The following TFR2 variants were observed in gnomAD, a reference collection of about 807,000 sequenced individuals.
TFR2 encodes the protein transferrin receptor 2.
In TFR2, 64 loss-of-function variants were observed where a neutral mutation model predicts 91.9. The observed-to-expected ratio is 0.70, with a 90% confidence interval of 0.57 to 0.86. TFR2 has a LOEUF of 0.86. Ranked by LOEUF, TFR2 falls within the 40% of genes least tolerant of loss-of-function variation. The pLI, the probability that TFR2 is intolerant of heterozygous loss-of-function variation, is 0.00. For synonymous variants in TFR2, 454 were observed against 459.6 expected (o/e 0.99, Z 0.15); for missense variants, 950 against 1,080.5 (o/e 0.88, Z 1.69).
At chr7:100,631,077 G>T in intron 8 of TFR2, 25 bp from the exon 9 acceptor site, 1 of 1,532,750 alleles carries the variant, frequency 6.5e-7, no homozygotes, top group African/African-American at 1.4e-5. Flanking sequence ...GGCAGAAAGG[G>T]GGAAGTTGTA....
chr7:100,630,803 A>C, intron 9 of TFR2, 86 bp downstream of exon 9: 1 of 1,589,278 alleles, frequency 6.3e-7, no homozygotes, highest in South Asian at 1.1e-5. Context: ...GGCCTCCTGC[A>C]CCAGCCCCCT....
At chr7:100,629,401 C>A (rs1157924801) in intron 9 of TFR2, 29 bp from the exon 10 acceptor site, 1 of 1,612,934 alleles carries the variant, frequency 6.2e-7, no homozygotes, top group East Asian at 2.2e-5. Flanking sequence ...GGACCCACTT[C>A]TGACACTGCA....
chr7:100,630,865 A>C (rs779767961), intron 9 of TFR2, 24 bp downstream of exon 9: 17 of 1,611,990 alleles, frequency 1.1e-5, no homozygotes, highest in Non-Finnish European at 1.4e-5. Flanking sequence ...ACCAGCTGTG[A>C]GTGATACTGG....
At chr7:100,638,545 T>G (rs1584463386) in intron 3 of TFR2, among the ~76,000 whole-genome samples, 2 of 148,638 alleles carry the variant, frequency 1.3e-5, no homozygotes, top group Non-Finnish European at 1.5e-5. Context: ...AGGTCAGGAG[T>G]TTGAGACCAG....
In TFR2 at chr7:100,621,053, C is replaced by T; in HGVS notation, c.2210G>A (p.Gly737Glu). 1 of 1,574,296 alleles carries T rather than the reference C, an allele frequency of 6.4e-7. No homozygotes were observed. Among genetic ancestry groups the T allele is most frequent in the South Asian group, 1.2e-5 (1 of 86,766 alleles). ...SPFRHIFMGRGDHTLGALLDH... is the reference protein window; with the variant it reads ...SPFRHIFMGREDHTLGALLDH... The stretch of plus-strand genomic sequence containing the variant: ...CAGCAGGGCGCCCAGCGTGTGGTCT[C>T]CACGGCCCATGAAGATGTGGCGGAA... Residue 737 changes from glycine to glutamate, a missense_variant, in exon 18 of 18, where the codon GGA becomes GAA. By Grantham distance (98) the Gly-to-Glu change is moderately conservative (BLOSUM62 -2). Transcript: ENST00000223051.
At chr7:100,626,437 C>A (rs1472236613) in intron 17 of TFR2, 1 of 1,170,524 alleles carries the variant, frequency 8.5e-7, no homozygotes. Flanking sequence ...CCAGAAGGGT[C>A]GAGGAGGCAG....
At chr7:100,640,247 T>G in intron 3 of TFR2, 1 of 164,480 alleles carries the variant, frequency 6.1e-6, no homozygotes, top group Non-Finnish European at 1.3e-5. Context: ...CCCCAGCTAA[T>G]TTTTGTGTTT....
chr7:100,628,020 C>G (rs1445604651), intron 12 of TFR2, 46 bp from the exon 13 acceptor site: 2 of 1,614,124 alleles, frequency 1.2e-6, no homozygotes, highest in Non-Finnish European at 1.7e-6. Flanking sequence ...GGCTCAGCCC[C>G]AGAGGCAAGG....
chr7:100,627,039 C>T, intron 16 of TFR2, 136 bp from the exon 17 acceptor site: 1 of 1,397,416 alleles, frequency 7.2e-7, no homozygotes, highest in Non-Finnish European at 9.5e-7. Context: ...TAGACGAGGA[C>T]AGAGTGCTGG....
At chr7:100,637,197 C>T (rs186213631) in intron 3 of TFR2, among the ~76,000 whole-genome samples, 10 of 152,100 alleles carry the variant, frequency 6.6e-5, no homozygotes, top group South Asian at 2.1e-4. Flanking sequence ...GTCAGGAGTT[C>T]GAGACCAGAC....
At position 100,633,065 on chromosome 7, in the gene TFR2, C is replaced by G. The variant is rs1562841992; in HGVS notation, c.785G>C (p.Arg262Thr). The change falls in exon 6 of 18, where the codon AGG (arginine) becomes ACG (threonine). Residue 262 changes from arginine (R) to threonine (T), a missense_variant. Physicochemically the swap from Arg to Thr is moderately conservative, Grantham distance 71. Coordinates refer to ENST00000223051, the MANE Select transcript of TFR2 (RefSeq NM_003227.4). The part of the protein sequence containing the change: ...RPEDLQDLRA[R>T]GVDPVGRLLL... ...CAGGCGGCCCACTGGATCCACGCCC[C>G]TGGCCCGCAGGTCCTGCAGGTCTTC... The G allele has an allele frequency of 6.2e-7, 1 of 1,613,690 alleles. No individual in the cohort carries two copies. Among genetic ancestry groups the G allele is most frequent in the South Asian group, 1.1e-5 (1 of 91,068 alleles).
chr7:100,623,429 G>A (rs1427183981), intron 17 of TFR2, among the ~76,000 whole-genome samples: 2 of 152,010 alleles, frequency 1.3e-5, no homozygotes, highest in East Asian at 1.9e-4. Context: ...ATGAGCATTT[G>A]CTCCCACCTG....
At chr7:100,632,966 G>A in intron 6 of TFR2, 35 bp downstream of exon 6, 4 of 1,613,472 alleles carry the variant, frequency 2.5e-6, no homozygotes, top group East Asian at 2.2e-5. Context: ...TCCGGTTCCC[G>A]GGCTCAAGCC....
At chr7:100,637,808 G>A (rs1260764981) in intron 3 of TFR2, among the ~76,000 whole-genome samples, 1 of 144,270 alleles carries the variant, frequency 6.9e-6, no homozygotes, top group Non-Finnish European at 1.5e-5. Flanking sequence ...GCAAGGCCCT[G>A]TCTCAAAAAA....
At chr7:100,625,005 T>C (rs1803215141) in intron 17 of TFR2, among the ~76,000 whole-genome samples, 1 of 151,586 alleles carries the variant, frequency 6.6e-6, no homozygotes, top group African/African-American at 2.4e-5. Context: ...AAGTCCTGAG[T>C]CCTTCCCTCT....
chr7:100,627,506 T>C lies in TFR2; in HGVS notation c.1768-15A>G. On this transcript the variant is annotated splice_polypyrimidine_tract_variant and intron_variant, in intron 15 of 17. Coordinates refer to ENST00000223051, the MANE Select transcript of TFR2 (RefSeq NM_003227.4). Reference sequence around the variant, plus strand: ...GCCTGGTCGTCCTGCCAGGACAGGGTGGACGCTGGGGCGGAGGCAGACAGG... The same window carrying C: ...GCCTGGTCGTCCTGCCAGGACAGGGCGGACGCTGGGGCGGAGGCAGACAGG... 6.2e-7 allele frequency: 1 copy of C among 1,612,832 alleles called. No homozygotes were observed. The highest frequency in any genetic ancestry group is 8.5e-7 in the Non-Finnish European group (1 of 1,179,420).
At chr7:100,627,239 C>T in intron 16 of TFR2, 25 bp downstream of exon 16, 1 of 1,547,362 alleles carries the variant, frequency 6.5e-7, no homozygotes, top group Non-Finnish European at 8.7e-7. Flanking sequence ...TCCCAGAGAC[C>T]AAGAGCGGGG....
rs561326657 is a variant in TFR2 at position 100,621,276 on chromosome 7, C to T, written c.2137-150G>A. The T allele has an allele frequency of 1.3e-3, 1,467 of 1,114,770 alleles. 9 individuals carry two copies. Among genetic ancestry groups the T allele is most frequent in the South Asian group, 8.4e-3 (481 of 57,016 alleles). The allele number at this position is 1,114,770 out of a possible 1,614,324, so 69.1% of individuals were successfully genotyped here. On this transcript the variant is annotated intron_variant, in intron 17 of 17. Transcript: ENST00000223051. Reference sequence around the variant, plus strand: ...TTTTGTTTGTTCGTTTGTTTTGAGACGGAGTCTCGCTCTGTCTCCCAGGCT... The same window carrying T: ...TTTTGTTTGTTCGTTTGTTTTGAGATGGAGTCTCGCTCTGTCTCCCAGGCT...
In TFR2 at chr7:100,640,011, C is replaced by T. The variant is rs994818593; in HGVS notation, c.473+675G>A. Reference sequence around the variant, plus strand: ...GTGTTAGCCAAGATGGTCTCGATATCCTGACCTAGTGATCTGCCCGCCTCC... The same window carrying T: ...GTGTTAGCCAAGATGGTCTCGATATTCTGACCTAGTGATCTGCCCGCCTCC... On this transcript the variant is annotated intron_variant, in intron 3 of 17. Coordinates refer to ENST00000223051, the MANE Select transcript of TFR2 (RefSeq NM_003227.4). 1.8e-4 allele frequency: 27 copies of T among 152,226 alleles called. 1 individual carries two copies. The highest frequency in any genetic ancestry group is 6.5e-4 in the African/African-American group (27 of 41,336). 9.4% of individuals were successfully genotyped at this position (152,226 alleles called of 1,614,324 possible).
Sources: allele counts gnomAD v4.1 joint callset (sites outside exome capture counted in the v4.1 genomes callset), GRCh38; gene constraint gnomAD v4.1.1; transcripts MANE v1.5; gene names NCBI Gene and HGNC (gene_info 2026-07-23, HGNC 2026-07-21).